The following TUBB8 variants were observed in gnomAD, a reference collection of about 807,000 sequenced individuals.
TUBB8 encodes tubulin beta 8 class VIII.
A neutral mutation model predicts 33.7 loss-of-function variants in TUBB8; 25 were observed. That is an observed-to-expected ratio of 0.74 (90% CI 0.54 to 1.04). TUBB8 has a LOEUF of 1.04. TUBB8 is among the 50% of genes least tolerant of loss of function. The probability of loss-of-function intolerance (pLI) is 0.00; values close to 1 mark genes in which losing one functional copy is unlikely to be tolerated. For missense variants in TUBB8, 279 were observed against 608.0 expected (o/e 0.46, Z 5.69); for synonymous variants, 245 against 240.1 (o/e 1.02, Z -0.19).
chr10:52,914 A>G (rs1554739784), upstream of TUBB8, among the ~76,000 whole-genome samples: 1 of 152,060 alleles, frequency 6.6e-6, no homozygotes, highest in African/African-American at 2.4e-5. Context: ...CAACAAGTAT[A>G]CTCCTCAAGG....
chr10:50,080 G>A, upstream of TUBB8: 1 of 153,070 alleles, frequency 6.5e-6, no homozygotes, highest in Admixed American at 6.5e-5. Context: ...AGGCTTCCGG[G>A]TAAATTAGAG....
At chr10:51,740 C>T (rs1312723073), upstream of TUBB8, among the ~76,000 whole-genome samples, 3 of 152,118 alleles carry the variant, frequency 2.0e-5, no homozygotes, top group East Asian at 5.8e-4. Flanking sequence ...TCCTATTATC[C>T]ACTGCTGCCC....
At chr10:70,281 TTTA>T (rs1425665754) in intron 1 of TUBB8, among the ~76,000 whole-genome samples, 2 of 11,828 alleles carry the variant, frequency 1.7e-4, no homozygotes, top group Non-Finnish European at 5.8e-4. Context: ...TTTTTGTTTT[TTTA>T]TTTTTTTTAT....
chr10:64,081 T>C (rs781863317), intron 1 of TUBB8, among the ~76,000 whole-genome samples: 2 of 152,166 alleles, frequency 1.3e-5, no homozygotes, highest in Non-Finnish European at 2.9e-5. Flanking sequence ...CTCTTCCCTT[T>C]CTTTCTCTGA....
In TUBB8 at chr10:72,451, A is replaced by G. The variant is rs1357578859; in HGVS notation, c.-846+1518T>C. 2.6e-5 allele frequency among the ~76,000 whole-genome samples: 4 copies of G among 151,836 alleles called. No individual in the cohort carries two copies. The East Asian group carries it at 7.8e-4, about 29-fold the overall frequency. Reference sequence around the variant, plus strand: ...TGCAGGCCTGGAATCCCAGCTACTCAGGAGGCTGATGCAGGAGAAGTGCTT... The same window carrying G: ...TGCAGGCCTGGAATCCCAGCTACTCGGGAGGCTGATGCAGGAGAAGTGCTT... On this transcript the variant is annotated intron_variant, in intron 1 of 3. Transcript: ENST00000564130.
upstream of TUBB8, among the ~76,000 whole-genome samples, chr10:54,234 T>C (rs1834503072): frequency 1.3e-5 from 2 of 151,728 alleles, no homozygotes; most frequent in Non-Finnish European, 2.9e-5. Context: ...ACTCTCTATC[T>C]CTATGACATC....
Position 48,094 on chromosome 10 carries a change from T to C in TUBB8, c.298A>G (p.Asn100Asp). ...FIFGQCGAGN[N>D]WAKGHYTEGA... ...TCGGTGTAGTGTCCCTTGGCCCAGT[T>C]GTTTCCGGCCCCACACTGACCTGTA... Residue 100 changes from asparagine to aspartate, a missense_variant, in exon 4 of 4, where the codon AAC (asparagine) becomes GAC (aspartate). Asn to Asp is a conservative substitution (Grantham distance 23, BLOSUM62 1). Coordinates refer to ENST00000568584, the MANE Select transcript of TUBB8 (RefSeq NM_177987.3). The C allele has an allele frequency of 6.2e-7, 1 of 1,613,770 alleles. No individual in the cohort carries two copies. The highest frequency in any genetic ancestry group is 8.5e-7 in the Non-Finnish European group (1 of 1,179,860).
At chr10:49,149 C>G (rs1330185342) in intron 1 of TUBB8, 33 bp downstream of exon 1, 1 of 1,553,160 alleles carries the variant, frequency 6.4e-7, no homozygotes, top group East Asian at 2.4e-5. Flanking sequence ...CCCGGCAGGC[C>G]CGGGCTAGGC....
intron 1 of TUBB8, among the ~76,000 whole-genome samples, chr10:69,692 T>C (rs1554742058): frequency 6.6e-6 from 1 of 152,108 alleles, no homozygotes; most frequent in Non-Finnish European, 1.5e-5. Context: ...TGGGGGGATC[T>C]GAGGCCAGCC....
chr10:52,733 A>G (rs72651753), upstream of TUBB8, among the ~76,000 whole-genome samples: 27,147 of 140,332 alleles, frequency 0.19, no homozygotes, highest in Middle Eastern at 0.27. Flanking sequence ...TTGTATGGCC[A>G]TAAATATTCT....
intron 1 of TUBB8, among the ~76,000 whole-genome samples, chr10:57,841 TAACA>T (rs1445063467): frequency 1.3e-5 from 2 of 152,164 alleles, no homozygotes; most frequent in African/African-American, 2.4e-5. Context: ...CAAATATCTC[TAACA>T]AGTGATTGCT....
chr10:70,577 T>C (rs1254590543), intron 1 of TUBB8, among the ~76,000 whole-genome samples: 1 of 152,184 alleles, frequency 6.6e-6, no homozygotes, highest in African/African-American at 2.4e-5. Context: ...TATTGGCTCA[T>C]GCCTGTAATC....
At chr10:58,676 C>T (rs539406791) in intron 1 of TUBB8, among the ~76,000 whole-genome samples, 1 of 152,170 alleles carries the variant, frequency 6.6e-6, no homozygotes, top group Non-Finnish European at 1.5e-5. Context: ...GGAACTCACT[C>T]ACTATCATGA....
At chr10:76,151 A>C (rs539037605), upstream of TUBB8, among the ~76,000 whole-genome samples, 144 of 150,984 alleles carry the variant, frequency 9.5e-4, 2 homozygotes, top group Middle Eastern at 3.4e-3. Context: ...AAAAAAAAAA[A>C]AAAAAAAAAC....
chr10:62,478 G>A (rs531005470), intron 1 of TUBB8, among the ~76,000 whole-genome samples: 89 of 152,244 alleles, frequency 5.8e-4, no homozygotes, highest in African/African-American at 2.1e-3. Flanking sequence ...ATATGTTGTA[G>A]TTATTTTTTA....
At chr10:55,677 A>G (rs551382489) in intron 1 of TUBB8, among the ~76,000 whole-genome samples, 1 of 152,380 alleles carries the variant, frequency 6.6e-6, no homozygotes, top group East Asian at 1.9e-4. Context: ...GGCAAGAAAT[A>G]GGGTTCCAGT....
chr10:72,630 G>A (rs1455943546), intron 1 of TUBB8, among the ~76,000 whole-genome samples: 2 of 143,820 alleles, frequency 1.4e-5, no homozygotes, highest in Non-Finnish European at 3.0e-5. Context: ...AAGGCGGGTG[G>A]CCACGAGGTC....
intron 1 of TUBB8, among the ~76,000 whole-genome samples, chr10:70,447 C>G (rs189042829): frequency 6.6e-6 from 1 of 151,920 alleles, no homozygotes; most frequent in African/African-American, 2.4e-5. Context: ...CCCCACCCCA[C>G]AACAGTCCCC....
chr10:72,714 A>C (rs376231322), intron 1 of TUBB8, among the ~76,000 whole-genome samples: 21 of 146,356 alleles, frequency 1.4e-4, no homozygotes, highest in African/African-American at 2.8e-4. Context: ...TTAGCAGGGC[A>C]TTGTGGCAGG....
Sources: gnomAD v4.1 joint callset for allele counts (sites outside exome capture counted in the v4.1 genomes callset) on GRCh38, gnomAD v4.1.1 for gene constraint, MANE v1.5 for transcripts, NCBI Gene and HGNC (gene_info 2026-07-23, HGNC 2026-07-21) for gene names.